Variants in TRAF3IP1 observed in about 807,000 individuals in gnomAD.
TRAF3IP1 encodes the protein intraflagellar transport 54, also known as TRAF3-interacting protein 1.
Under a neutral mutation model 89.9 loss-of-function variants are expected in TRAF3IP1, and 53 were observed. That is an observed-to-expected ratio of 0.59 (90% CI 0.47 to 0.74). The LOEUF is 0.74. Among genes scored for constraint, TRAF3IP1 ranks in the 30% least tolerant of loss-of-function variants. The pLI, the probability that TRAF3IP1 is intolerant of heterozygous loss-of-function variation, is 0.00. For missense variants in TRAF3IP1, 806 were observed against 866.1 expected, an observed-to-expected ratio of 0.93 and a Z score of 0.87; for synonymous variants, 311 against 322.1, an observed-to-expected ratio of 0.97 and a Z score of 0.37.
At chr2:238,390,448 T>C (rs1700946913) in intron 15 of TRAF3IP1, among the ~76,000 whole-genome samples, 1 of 152,190 alleles carries the variant, frequency 6.6e-6, no homozygotes, top group African/African-American at 2.4e-5. Context: ...TGCCTGGACA[T>C]GACAGCTTGT....
rs1017537453 is a variant in TRAF3IP1 at position 238,325,036 on chromosome 2, G to A, written c.124-270G>A. ...CACTCCTGCTCCCTCCCGGATTGTG[G>A]ATTAGGTACCAAGCCTGAGTGCTTC... On this transcript the variant is annotated intron_variant, in intron 1 of 16. Transcript: ENST00000373327. Among the ~76,000 whole-genome samples the A allele has an allele frequency of 3.3e-5, 5 of 152,314 alleles. No individual in the cohort carries two copies. In the South Asian group the frequency reaches 8.3e-4, roughly 25 times the overall value.
chr2:238,392,683 T>C (rs1025240007), intron 15 of TRAF3IP1, among the ~76,000 whole-genome samples: 1 of 152,218 alleles, frequency 6.6e-6, no homozygotes, highest in Admixed American at 6.5e-5. Flanking sequence ...TTCAAGGGAT[T>C]CTTCTGCCTC....
At chr2:238,354,115 C>T (rs1264493319) in intron 14 of TRAF3IP1, among the ~76,000 whole-genome samples, 1 of 152,184 alleles carries the variant, frequency 6.6e-6, no homozygotes, top group Non-Finnish European at 1.5e-5. Flanking sequence ...TTCATTTCAG[C>T]CCATCTCAGT....
intron 15 of TRAF3IP1, among the ~76,000 whole-genome samples, chr2:238,360,171 A>G (rs1487452727): frequency 6.6e-6 from 1 of 152,228 alleles, no homozygotes; most frequent in Non-Finnish European, 1.5e-5. Context: ...TTGAAAACTT[A>G]TGAATGAATT....
At position 238,351,864 on chromosome 2, in the gene TRAF3IP1, TGTGC is replaced by T. The variant is rs1435579300; in HGVS notation, c.1452-961_1452-958del. Among the ~76,000 whole-genome samples the T allele has an allele frequency of 2.3e-4, 26 of 112,264 alleles. No homozygotes were observed. In the South Asian group the frequency reaches 4.4e-3, roughly 19 times the overall value. 73.6% of individuals were successfully genotyped at this position (112,264 alleles called of 152,430 possible). ...GTGTGTGTGTGTGTGTGTGTGTGTGTGTGCGCGCGCGCGCGTGTGCGTGCATGTG... is the reference window on the plus strand; with the variant it reads ...GTGTGTGTGTGTGTGTGTGTGTGTGTGCGCGCGCGCGTGTGCGTGCATGTG... On this transcript the variant is annotated intron_variant, in intron 12 of 16. Transcript: ENST00000373327. This position sits in a 1 kb window ranked among gnomAD's most constrained non-coding sequence, Gnocchi z 5.2.
chr2:238,381,125 A>T (rs1181232179), intron 15 of TRAF3IP1, among the ~76,000 whole-genome samples: 3 of 129,240 alleles, frequency 2.3e-5, no homozygotes, highest in South Asian at 2.5e-4. Context: ...TTTTTTTTTT[A>T]ATTATTTATT....
intron 15 of TRAF3IP1, among the ~76,000 whole-genome samples, chr2:238,385,072 A>G (rs548035313): frequency 4.0e-5 from 6 of 151,666 alleles, no homozygotes; most frequent in East Asian, 3.9e-4. Flanking sequence ...CTGGAGTGCA[A>G]TGGTGCGATC....
chr2:238,341,331 A>T (rs180912232), intron 8 of TRAF3IP1, among the ~76,000 whole-genome samples: 264 of 152,092 alleles, frequency 1.7e-3, no homozygotes, highest in Non-Finnish European at 3.0e-3. Flanking sequence ...ATATAGTTAC[A>T]TATTTTAATG....
chr2:238,325,219 C>T lies in TRAF3IP1; in HGVS notation c.124-87C>T, dbSNP rs180916640. ...AATCTGGGCTGCTAGTCAATTCTGA[C>T]ATCTCCCAAGTGTGGAGTTGAGTGG... On this transcript the variant is annotated intron_variant, in intron 1 of 16. Transcript: ENST00000373327. 38 of 1,281,372 alleles carry T rather than the reference C, an allele frequency of 3.0e-5. No individual in the cohort carries two copies. In the African/African-American group the frequency reaches 4.7e-4, roughly 16 times the overall value. The allele number at this position is 1,281,372 out of a possible 1,614,324, so 79.4% of individuals were successfully genotyped here. A position where few individuals can be genotyped will look rare whatever the true frequency, so the allele number is the denominator to read the frequency against.
chr2:238,343,647 T>C (rs1334464205), intron 8 of TRAF3IP1, among the ~76,000 whole-genome samples: 1 of 25,370 alleles, frequency 3.9e-5, no homozygotes, highest in Non-Finnish European at 1.5e-4. Flanking sequence ...GTGCTTGGCC[T>C]TTTTTTTTTT....
intron 15 of TRAF3IP1, among the ~76,000 whole-genome samples, chr2:238,371,974 T>G (rs1297739570): frequency 6.6e-6 from 1 of 152,208 alleles, no homozygotes; most frequent in Non-Finnish European, 1.5e-5. Context: ...GAATTGAGTA[T>G]AACTACAGAA....
chr2:238,390,173 G>A (rs914534823), intron 15 of TRAF3IP1, among the ~76,000 whole-genome samples: 1 of 152,166 alleles, frequency 6.6e-6, no homozygotes, highest in Admixed American at 6.5e-5. Context: ...TGAAACACAC[G>A]TGGGCTGCCA....
At chr2:238,385,207 G>C (rs1282862680) in intron 15 of TRAF3IP1, among the ~76,000 whole-genome samples, 2 of 151,722 alleles carry the variant, frequency 1.3e-5, no homozygotes, top group Non-Finnish European at 2.9e-5. Flanking sequence ...AGTAGAGACA[G>C]GGGTTTCACC....
chr2:238,400,754 A>G lies in TRAF3IP1; in HGVS notation c.*1835A>G, dbSNP rs372132073. On this transcript the variant is annotated 3_prime_UTR_variant, in exon 17 of 17. Coordinates refer to ENST00000373327, the MANE Select transcript of TRAF3IP1 (RefSeq NM_015650.4). ...ATGTCTGCCTTTTATGAATTTGTAT[A>G]TGTGAATAGAGTTTGGGGGTTGCCA... 7.3e-4 allele frequency: 111 copies of G among 152,328 alleles called. No individual in the cohort carries two copies. The East Asian group carries it at 0.016, about 21-fold the overall frequency. The allele number at this position is 152,328 out of a possible 1,614,324, so 9.4% of individuals were successfully genotyped here. A position where few individuals can be genotyped will look rare whatever the true frequency, so the allele number is the denominator to read the frequency against.
chr2:238,393,548 T>C (rs1409527795), intron 15 of TRAF3IP1, among the ~76,000 whole-genome samples: 1 of 152,222 alleles, frequency 6.6e-6, no homozygotes, highest in African/African-American at 2.4e-5. Flanking sequence ...ATGCTTTTGG[T>C]GTCAAGTCTT....
At chr2:238,367,165 A>G (rs1447849535) in intron 15 of TRAF3IP1, among the ~76,000 whole-genome samples, 1 of 138,130 alleles carries the variant, frequency 7.2e-6, no homozygotes, top group Non-Finnish European at 1.6e-5. Flanking sequence ...CTCTGTCTCA[A>G]AAAAAAAAAA....
chr2:238,333,204 C>T (rs139091361), intron 6 of TRAF3IP1, among the ~76,000 whole-genome samples: 4 of 152,210 alleles, frequency 2.6e-5, no homozygotes, highest in African/African-American at 9.6e-5. Flanking sequence ...AGGTGGCACT[C>T]AGGATGAGTC....
At chr2:238,330,518 A>G (rs1698068400) in intron 5 of TRAF3IP1, among the ~76,000 whole-genome samples, 1 of 152,204 alleles carries the variant, frequency 6.6e-6, no homozygotes, top group Non-Finnish European at 1.5e-5. Flanking sequence ...AGGGATCCAG[A>G]TCTGCCCAGT....
intron 5 of TRAF3IP1, among the ~76,000 whole-genome samples, chr2:238,330,564 T>A (rs1255417429): frequency 1.3e-5 from 2 of 152,208 alleles, no homozygotes; most frequent in African/African-American, 4.8e-5. Context: ...GGGCCTGAGC[T>A]GGTGCCATGG....
Sources: gnomAD v4.1 joint callset for allele counts (sites outside exome capture counted in the v4.1 genomes callset) on GRCh38, gnomAD v4.1.1 for gene constraint, Gnocchi (gnomAD v3.1) non-coding constraint, MANE v1.5 for transcripts, NCBI Gene and HGNC (gene_info 2026-07-23, HGNC 2026-07-21) for gene names.